TACC2: variants seen among roughly 807,000 people sequenced by gnomAD.
TACC2 encodes transforming acidic coiled-coil-containing protein 2.
In TACC2, 137 loss-of-function variants were observed where a neutral mutation model predicts 227.3. That is an observed-to-expected ratio of 0.60 (90% CI 0.52 to 0.69). The LOEUF is 0.69. Ranked by LOEUF, TACC2 falls within the 30% of genes least tolerant of loss-of-function variation. The probability of loss-of-function intolerance (pLI) is 0.00; values close to 1 mark genes in which losing one functional copy is unlikely to be tolerated. For synonymous variants in TACC2, 1,523 were observed against 1,487.5 expected, an observed-to-expected ratio of 1.02 and a Z score of -0.55; for missense variants, 3,470 against 3,694.4, an observed-to-expected ratio of 0.94 and a Z score of 1.57.
In TACC2 at chr10:122,215,422, C is replaced by T. The variant is rs200244150; in HGVS notation, c.7315C>T (p.Arg2439Trp). The change falls in exon 10 of 23, where the codon CGG becomes TGG. Residue 2439 changes from arginine to tryptophan, a missense_variant. Coordinates refer to ENST00000369005, the MANE Select transcript of TACC2 (RefSeq NM_206862.4). ...ATTTAGGGTGAAAAAGTCGCCAAAA[C>T]GGTCTCCTCTCTCTGATCCACCTTC... is the stretch of plus-strand genomic sequence containing the variant. ...DTFRVKKSPK[R>W]SPLSDPPSQD... 25 of 1,613,976 alleles carry T rather than the reference C, an allele frequency of 1.5e-5. No homozygotes were observed. In the East Asian group the frequency reaches 2.0e-4, roughly 13 times the overall value.
At chr10:122,172,290 G>A (rs1221963642) in intron 7 of TACC2, among the ~76,000 whole-genome samples, 1 of 152,190 alleles carries the variant, frequency 6.6e-6, no homozygotes, top group Non-Finnish European at 1.5e-5. Flanking sequence ...TCCGTCTACT[G>A]CTGGGTGACA....
At chr10:122,189,157 C>T (rs904101806) in intron 7 of TACC2, among the ~76,000 whole-genome samples, 11 of 152,016 alleles carry the variant, frequency 7.2e-5, no homozygotes, top group South Asian at 6.3e-4. Context: ...TTTATGCCAG[C>T]GAGGTGTGTG....
Position 122,254,310 on chromosome 10 carries a change from G to T in TACC2, c.*254G>T. ...AGTTCCTGTATCAGGGAGATTGTCT[G>T]ATTCTCTAATAAAAGACACATTGCT... On this transcript the variant is annotated 3_prime_UTR_variant, in exon 23 of 23. Coordinates refer to ENST00000369005, the MANE Select transcript of TACC2 (RefSeq NM_206862.4). 1 of 509,622 alleles carries T rather than the reference G, an allele frequency of 2.0e-6. No individual in the cohort carries two copies. Among genetic ancestry groups the T allele is most frequent in the Non-Finnish European group, 3.6e-6 (1 of 279,716 alleles). The allele number at this position is 509,622 out of a possible 1,614,324, so 31.6% of individuals were successfully genotyped here. A position where few individuals can be genotyped will look rare whatever the true frequency, so the allele number is the denominator to read the frequency against.
At chr10:122,242,969 C>T (rs918403671) in intron 19 of TACC2, among the ~76,000 whole-genome samples, 6 of 151,462 alleles carry the variant, frequency 4.0e-5, no homozygotes, top group African/African-American at 7.3e-5. Context: ...TGTTTGAGAC[C>T]GTCTCGTTCT....
chr10:122,234,498 C>T (rs926551025), intron 16 of TACC2, among the ~76,000 whole-genome samples: 1 of 152,218 alleles, frequency 6.6e-6, no homozygotes, highest in Non-Finnish European at 1.5e-5. Context: ...ATATCAGCGA[C>T]AGACAAAGCT....
At chr10:122,155,840 T>C (rs1034494019) in intron 7 of TACC2, among the ~76,000 whole-genome samples, 20 of 147,044 alleles carry the variant, frequency 1.4e-4, no homozygotes, top group African/African-American at 5.0e-4. Context: ...AAAATTTTTT[T>C]TTTTTTTTTT....
At chr10:122,252,275 T>G (rs1253667428) in intron 22 of TACC2, among the ~76,000 whole-genome samples, 1 of 152,182 alleles carries the variant, frequency 6.6e-6, no homozygotes, top group Non-Finnish European at 1.5e-5. Flanking sequence ...TGTGACCTTA[T>G]ACACAACCCT....
At chr10:122,230,202 G>A in intron 15 of TACC2, 149 bp from the exon 16 acceptor site, 1 of 695,634 alleles carries the variant, frequency 1.4e-6, no homozygotes, top group South Asian at 1.6e-5. Flanking sequence ...CTGCTGAGGT[G>A]CTAATTGTGA....
intron 7 of TACC2, among the ~76,000 whole-genome samples, chr10:122,161,746 T>C (rs2092825496): frequency 6.6e-6 from 1 of 152,270 alleles, no homozygotes; most frequent in Non-Finnish European, 1.5e-5. Flanking sequence ...TTTTTCCTCA[T>C]GTATTTTCTG....
intron 2 of TACC2, among the ~76,000 whole-genome samples, chr10:122,035,706 C>T (rs1326317509): frequency 6.6e-6 from 1 of 152,130 alleles, no homozygotes; most frequent in Admixed American, 6.5e-5. Context: ...CATCCATCTC[C>T]AGAACTTTTT....
intron 13 of TACC2, among the ~76,000 whole-genome samples, chr10:122,227,303 C>G (rs2095648398): frequency 6.6e-6 from 1 of 152,146 alleles, no homozygotes; most frequent in Admixed American, 6.5e-5. Context: ...TTTGGACCAG[C>G]CTATTTTTGT....
chr10:122,014,958 T>G (rs1956391133), intron 1 of TACC2, among the ~76,000 whole-genome samples: 1 of 152,136 alleles, frequency 6.6e-6, no homozygotes, highest in Non-Finnish European at 1.5e-5. Context: ...AAGGCGGAAG[T>G]TATCTTTGAA....
At chr10:122,233,171 A>G (rs1217947251) in intron 16 of TACC2, among the ~76,000 whole-genome samples, 6 of 152,158 alleles carry the variant, frequency 3.9e-5, no homozygotes, top group Non-Finnish European at 8.8e-5. Flanking sequence ...CAGTCTCACC[A>G]TTACTTTCCT....
At chr10:122,000,670 T>A (rs1265895115) in intron 1 of TACC2, among the ~76,000 whole-genome samples, 1 of 152,212 alleles carries the variant, frequency 6.6e-6, no homozygotes, top group Non-Finnish European at 1.5e-5. Flanking sequence ...ATTATAAGCA[T>A]CCTTATGTAC....
At chr10:122,241,206 T>C (rs886382479) in intron 18 of TACC2, among the ~76,000 whole-genome samples, 5 of 152,040 alleles carry the variant, frequency 3.3e-5, no homozygotes, top group African/African-American at 2.4e-5. Flanking sequence ...CATGACGTGG[T>C]GTGGAAGGAG....
At position 122,248,629 on chromosome 10, in the gene TACC2, G is replaced by C. The variant is rs373766077; in HGVS notation, c.8393-14G>C. 1.2e-6 allele frequency: 2 copies of C among 1,612,314 alleles called. No homozygotes were observed. Among genetic ancestry groups the C allele is most frequent in the African/African-American group, 2.7e-5 (2 of 74,846 alleles). On this transcript the variant is annotated splice_polypyrimidine_tract_variant and intron_variant, in intron 19 of 22. Coordinates refer to ENST00000369005, the MANE Select transcript of TACC2 (RefSeq NM_206862.4). ...TCTGGGCTCCATCATTTGGCTCCTG[G>C]TCTCTCCTGCCAGAGGACGAACAGA...
At chr10:122,215,492 C>CG (rs771385363) in intron 10 of TACC2, 41 bp downstream of exon 10, 1 of 1,549,590 alleles carries the variant, frequency 6.5e-7, no homozygotes, top group Non-Finnish European at 8.9e-7. Flanking sequence ...ATGCCCCCCC[C>CG]GGGGGAGGTT....
At chr10:122,236,056 C>T (rs139872167) in intron 16 of TACC2, among the ~76,000 whole-genome samples, 1 of 152,334 alleles carries the variant, frequency 6.6e-6, no homozygotes, top group Non-Finnish European at 1.5e-5. Context: ...ACTCAGTCAT[C>T]TCCGGTCCTA....
chr10:122,231,201 A>G (rs1564741634), intron 16 of TACC2, among the ~76,000 whole-genome samples: 1 of 152,198 alleles, frequency 6.6e-6, no homozygotes, highest in Non-Finnish European at 1.5e-5. Flanking sequence ...AACTTTTATT[A>G]ACAATTTGAA....
Sources: gnomAD v4.1 joint callset for allele counts (sites outside exome capture counted in the v4.1 genomes callset) on GRCh38, gnomAD v4.1.1 for gene constraint, MANE v1.5 for transcripts, NCBI Gene and HGNC (gene_info 2026-07-23, HGNC 2026-07-21) for gene names.